MALRD1: variants seen among roughly 807,000 people sequenced by gnomAD.
The protein encoded by MALRD1 is MAM and LDL-receptor class A domain-containing protein 1.
MALRD1 carries 247 observed loss-of-function variants against 242.1 expected under a neutral mutation model. The observed-to-expected ratio is 1.02, with a 90% CI of 0.92 to 1.13. The LOEUF (loss-of-function observed/expected upper bound fraction) is 1.13, where lower values mean the gene tolerates loss of function less well. Among genes scored for constraint, MALRD1 ranks in the 50% most tolerant of loss-of-function variants. The pLI, the probability that MALRD1 is intolerant of heterozygous loss-of-function variation, is 0.00. For missense variants in MALRD1, 2,989 were observed against 2,533.1 expected (o/e 1.18, Z -3.86); for synonymous variants, 995 against 866.6 (o/e 1.15, Z -2.60).
intron 38 of MALRD1, 153 bp from the exon 39 acceptor site, chr10:19,730,553 A>AAAATAAG (rs1287571215): frequency 1.2e-6 from 1 of 858,516 alleles, no homozygotes; most frequent in Non-Finnish European, 1.9e-6. Flanking sequence ...TAAAAAATAA[A>AAAATAAG]AAACAAACTT....
chr10:19,703,880 G>A (rs1248122975), intron 38 of MALRD1, among the ~76,000 whole-genome samples: 2 of 152,102 alleles, frequency 1.3e-5, no homozygotes, highest in Non-Finnish European at 2.9e-5. Context: ...AGGTGACAGA[G>A]CAAGTCTCTG....
chr10:19,510,351 G>A (rs533518679), intron 31 of MALRD1, among the ~76,000 whole-genome samples: 4 of 152,280 alleles, frequency 2.6e-5, no homozygotes, highest in East Asian at 1.9e-4. Flanking sequence ...CTTTACAGGT[G>A]TCGGGCTGGG....
intron 33 of MALRD1, among the ~76,000 whole-genome samples, chr10:19,590,784 A>G (rs1837738145): frequency 6.6e-6 from 1 of 151,884 alleles, no homozygotes; most frequent in African/African-American, 2.4e-5. Flanking sequence ...TGAGAAGAAA[A>G]TTTCCCATAT....
chr10:19,154,623 C>T (rs1391645928), intron 11 of MALRD1, among the ~76,000 whole-genome samples: 1 of 152,188 alleles, frequency 6.6e-6, no homozygotes, highest in Admixed American at 6.5e-5. Flanking sequence ...CTTTAATCCC[C>T]TCTAGCACAG....
intron 8 of MALRD1, among the ~76,000 whole-genome samples, chr10:19,129,200 A>G (rs1016268920): frequency 2.0e-5 from 3 of 152,142 alleles, no homozygotes; most frequent in Non-Finnish European, 4.4e-5. Context: ...GATGTCAATC[A>G]CAAGCTTCCT....
At chr10:19,574,146 G>A (rs1466617663) in intron 33 of MALRD1, among the ~76,000 whole-genome samples, 1 of 152,136 alleles carries the variant, frequency 6.6e-6, no homozygotes, top group East Asian at 1.9e-4. Context: ...CTCTCACTTC[G>A]TTAATGAATA....
intron 33 of MALRD1, among the ~76,000 whole-genome samples, chr10:19,572,635 T>A (rs1345892352): frequency 1.3e-5 from 2 of 152,324 alleles, no homozygotes; most frequent in South Asian, 2.1e-4. Flanking sequence ...CCTCAGAATG[T>A]GATCCCATTT....
At chr10:19,246,835 T>C (rs1311955818) in intron 18 of MALRD1, among the ~76,000 whole-genome samples, 1 of 152,142 alleles carries the variant, frequency 6.6e-6, no homozygotes, top group African/African-American at 2.4e-5. Context: ...AAAAATATGA[T>C]GCTTGATGAG....
At chr10:19,425,822 A>G (rs1002753814) in intron 28 of MALRD1, among the ~76,000 whole-genome samples, 1 of 152,186 alleles carries the variant, frequency 6.6e-6, no homozygotes, top group African/African-American at 2.4e-5. Context: ...AAAAATTAAA[A>G]TAAGGGTGAT....
chr10:19,345,931 T>C (rs1398096613), intron 24 of MALRD1, among the ~76,000 whole-genome samples: 1 of 152,070 alleles, frequency 6.6e-6, no homozygotes, highest in Non-Finnish European at 1.5e-5. Flanking sequence ...TCGTATGTTT[T>C]CTTTTTTAAT....
rs533530688 is a variant in MALRD1 at position 19,169,640 on chromosome 10, G to A, written c.1830+3830G>A. Among the ~76,000 whole-genome samples the A allele has an allele frequency of 4.6e-5, 7 of 152,230 alleles. No individual in the cohort carries two copies. The East Asian group carries it at 5.8e-4, about 13-fold the overall frequency. On this transcript the variant is annotated intron_variant, in intron 13 of 39. Transcript: ENST00000454679. ...GCTGGCTTTAACCTGATTTCTCTGAGTGTATTTTTAAAGATATGAAAATAT... is the reference window on the plus strand; with the variant it reads ...GCTGGCTTTAACCTGATTTCTCTGAATGTATTTTTAAAGATATGAAAATAT...
chr10:19,547,993 C>CTTTTTT (rs765509925), intron 32 of MALRD1, among the ~76,000 whole-genome samples: 3 of 65,782 alleles, frequency 4.6e-5, no homozygotes, highest in Non-Finnish European at 7.9e-5. Context: ...TATCACTATA[C>CTTTTTT]TTTTTTTTTT....
chr10:19,442,374 A>G (rs757646923), intron 28 of MALRD1, among the ~76,000 whole-genome samples: 1 of 152,112 alleles, frequency 6.6e-6, no homozygotes, highest in Non-Finnish European at 1.5e-5. Flanking sequence ...GAGTGGTGAG[A>G]GAGGGCATCC....
Position 19,734,181 on chromosome 10 carries a change from C to T in MALRD1, c.6415C>T (p.Pro2139Ser), listed in dbSNP as rs1000444434. 2 of 1,535,462 alleles carry T rather than the reference C, an allele frequency of 1.3e-6. No individual in the cohort carries two copies. The highest frequency in any genetic ancestry group is 4.9e-5 in the East Asian group (2 of 40,866). Reference sequence around the variant, plus strand: ...GAGTTCTGTCTATTCCTTCTCAAACCCATTATATGGCACAACATCAGGAAG... The same window carrying T: ...GAGTTCTGTCTATTCCTTCTCAAACTCATTATATGGCACAACATCAGGAAG... ...TESSVYSFSN[P>S]LYGTTSGSLE... The change falls in exon 40 of 40, where the codon CCA becomes TCA. Residue 2139 changes from proline to serine, a missense_variant. By Grantham distance (74) the Pro-to-Ser change is moderately conservative. Coordinates refer to ENST00000454679, the MANE Select transcript of MALRD1 (RefSeq NM_001142308.3).
chr10:19,542,500 G>T (rs1305168804), intron 32 of MALRD1, among the ~76,000 whole-genome samples: 4 of 151,520 alleles, frequency 2.6e-5, no homozygotes, highest in Non-Finnish European at 5.9e-5. Context: ...ATTCATTTTT[G>T]TTTATGAGTC....
At chr10:19,222,173 C>G (rs1837585837) in intron 18 of MALRD1, among the ~76,000 whole-genome samples, 1 of 151,990 alleles carries the variant, frequency 6.6e-6, no homozygotes, top group Non-Finnish European at 1.5e-5. Context: ...CCCTCCCTCT[C>G]TCTTTTCTTC....
chr10:19,555,441 T>C (rs1173261062), intron 32 of MALRD1, among the ~76,000 whole-genome samples: 1 of 151,938 alleles, frequency 6.6e-6, no homozygotes, highest in Non-Finnish European at 1.5e-5. Context: ...TGAGCAAACA[T>C]TTGAAGGAAG....
At chr10:19,316,392 G>GT (rs1317457544) in intron 21 of MALRD1, among the ~76,000 whole-genome samples, 1 of 151,904 alleles carries the variant, frequency 6.6e-6, no homozygotes, top group African/African-American at 2.4e-5. Context: ...GAGGGCATGT[G>GT]TGGAGCTATG....
At chr10:19,626,080 G>T (rs1470772694) in intron 36 of MALRD1, among the ~76,000 whole-genome samples, 1 of 152,066 alleles carries the variant, frequency 6.6e-6, no homozygotes, top group Non-Finnish European at 1.5e-5. Flanking sequence ...AAGAGACCAT[G>T]CAGGGTGGTG....
Sources: allele counts gnomAD v4.1 joint callset (sites outside exome capture counted in the v4.1 genomes callset), GRCh38; gene constraint gnomAD v4.1.1; transcripts MANE v1.5; gene names NCBI Gene and HGNC (gene_info 2026-07-23, HGNC 2026-07-21).